Variants in DSE observed in about 807,000 individuals in gnomAD.
DSE encodes dermatan sulfate epimerase.
DSE carries 36 observed loss-of-function variants against 84.4 expected under a neutral mutation model. The ratio of observed to expected loss-of-function variants is 0.43; its 90% CI spans 0.33 to 0.56. DSE has a LOEUF of 0.56. Ranked by LOEUF, DSE falls within the 20% of genes least tolerant of loss-of-function variation. The pLI, the probability that DSE is intolerant of heterozygous loss-of-function variation, is 0.06. For missense variants in DSE, 862 were observed against 1,169.6 expected, an observed-to-expected ratio of 0.74 and a Z score of 3.84; for synonymous variants, 410 against 430.1, an observed-to-expected ratio of 0.95 and a Z score of 0.58.
At chr6:116,387,712 C>G (rs142562591) in intron 1 of DSE, among the ~76,000 whole-genome samples, 1 of 152,242 alleles carries the variant, frequency 6.6e-6, no homozygotes, top group African/African-American at 2.4e-5. Context: ...TCATCTATTT[C>G]CAACAAAATT....
chr6:116,339,508 G>T lies in DSE; in HGVS notation c.-53-59690G>T, dbSNP rs184667819. Among the ~76,000 whole-genome samples the T allele has an allele frequency of 2.4e-3, 363 of 152,240 alleles. 3 individuals carry two copies. Among genetic ancestry groups the T allele is most frequent in the Admixed American group, 7.2e-3 (110 of 15,284 alleles). ...TTTTGTTGTTGTTTTAATGTGAAAA[G>T]ATCAGAGCTGTGCTTTAGGAATATT... is the stretch of plus-strand genomic sequence containing the variant. On this transcript the variant is annotated intron_variant, in intron 2 of 3. Transcript: ENST00000430252.
At chr6:116,356,022 T>C (rs964918372) in intron 2 of DSE, among the ~76,000 whole-genome samples, 5 of 152,178 alleles carry the variant, frequency 3.3e-5, no homozygotes, top group Admixed American at 6.5e-5. Flanking sequence ...CACATGACTA[T>C]TGCTTCCCTT....
intron 2 of DSE, among the ~76,000 whole-genome samples, chr6:116,345,877 C>G (rs899825620): frequency 5.9e-5 from 9 of 151,642 alleles, no homozygotes; most frequent in African/African-American, 2.2e-4. Flanking sequence ...GCTAGCAAGA[C>G]TAATAAAGAA....
At chr6:116,376,594 G>T (rs1051578658) in intron 1 of DSE, among the ~76,000 whole-genome samples, 3 of 152,308 alleles carry the variant, frequency 2.0e-5, no homozygotes, top group South Asian at 2.1e-4. Flanking sequence ...ATTACCACTG[G>T]ATTTCCTTCT....
At chr6:116,386,931 G>A (rs1005789634) in intron 1 of DSE, among the ~76,000 whole-genome samples, 1 of 152,170 alleles carries the variant, frequency 6.6e-6, no homozygotes, top group Non-Finnish European at 1.5e-5. Flanking sequence ...CTATTAGAGA[G>A]TAAACTTATA....
At chr6:116,336,429 T>C (rs1777253672) in intron 2 of DSE, among the ~76,000 whole-genome samples, 1 of 152,222 alleles carries the variant, frequency 6.6e-6, no homozygotes, top group African/African-American at 2.4e-5. Flanking sequence ...ACCTGAGTGA[T>C]ACATGGTCTA....
intron 2 of DSE, among the ~76,000 whole-genome samples, chr6:116,334,258 C>G (rs1392353068): frequency 6.6e-5 from 10 of 152,114 alleles, no homozygotes; most frequent in African/African-American, 2.4e-4. Flanking sequence ...CATTTCAACC[C>G]TTTTAAAGAA....
At chr6:116,254,966 A>T (rs1772086132) in intron 1 of DSE, 1 of 152,278 alleles carries the variant, frequency 6.6e-6, no homozygotes, top group East Asian at 1.9e-4. Context: ...AGCTATGTGC[A>T]GGCATCTATG....
At position 116,268,814 on chromosome 6, in the gene DSE, CAA is replaced by C. The variant is rs566572110; in HGVS notation, c.-54+9848_-54+9849del. ...TTCTGTTTTGTCTGCCCTCAAAGTT[CAA>C]GTTTAAGCTGATATAGATCAGCTTG... On this transcript the variant is annotated intron_variant, in intron 2 of 3. Coordinates refer to the DSE transcript ENST00000430252. Among the ~76,000 whole-genome samples, 100 of 152,160 alleles carry C rather than the reference CAA, an allele frequency of 6.6e-4. No individual in the cohort carries two copies. In the South Asian group the frequency reaches 0.021, roughly 31 times the overall value.
chr6:116,353,070 C>T (rs1778397734), intron 2 of DSE, among the ~76,000 whole-genome samples: 1 of 152,174 alleles, frequency 6.6e-6, no homozygotes, highest in African/African-American at 2.4e-5. Flanking sequence ...TGGGCTTCCC[C>T]ACTACCTCAT....
At chr6:116,367,916 T>C (rs965017991), upstream of DSE, among the ~76,000 whole-genome samples, 3 of 152,190 alleles carry the variant, frequency 2.0e-5, no homozygotes, top group African/African-American at 7.2e-5. Context: ...TGCCTTAGTC[T>C]GAAACCGAGG....
chr6:116,279,500 C>A (rs756488140), intron 2 of DSE: 1 of 1,610,864 alleles, frequency 6.2e-7, no homozygotes, highest in East Asian at 2.2e-5. Context: ...ACCACAGAAG[C>A]GGCTGCCAGG....
rs529547526 is a variant in DSE, at chr6:116,269,051, C to A, written c.-54+10084C>A. Reference sequence around the variant, plus strand: ...AAAAGAAAAAAAAAAACCTCATATGCTCCTGCTTTCACCAGTCTTAAGAGA... The same window carrying A: ...AAAAGAAAAAAAAAAACCTCATATGATCCTGCTTTCACCAGTCTTAAGAGA... On this transcript the variant is annotated intron_variant, in intron 2 of 3. Transcript: ENST00000430252. Among the ~76,000 whole-genome samples, 4 of 151,740 alleles carry A rather than the reference C, an allele frequency of 2.6e-5. No individual in the cohort carries two copies. The East Asian group carries it at 5.8e-4, about 22-fold the overall frequency.
intron 2 of DSE, among the ~76,000 whole-genome samples, chr6:116,415,759 C>T (rs560664904): frequency 6.6e-6 from 1 of 152,168 alleles, no homozygotes; most frequent in Admixed American, 6.5e-5. Context: ...TTTCTTTCTG[C>T]CTGCATGGTT....
chr6:116,414,865 G>A (rs1456855636), intron 2 of DSE, among the ~76,000 whole-genome samples: 1 of 118,160 alleles, frequency 8.5e-6, no homozygotes, highest in East Asian at 2.1e-4. Context: ...GTTATCTCTA[G>A]TGACCAGCCA....
At chr6:116,283,787 G>A (rs1369250358) in intron 2 of DSE, among the ~76,000 whole-genome samples, 5 of 151,934 alleles carry the variant, frequency 3.3e-5, no homozygotes, top group Non-Finnish European at 7.4e-5. Context: ...CAGGTGATCC[G>A]CCCGCCTCAG....
chr6:116,309,280 T>G (rs1298421016), intron 2 of DSE, among the ~76,000 whole-genome samples: 1 of 151,768 alleles, frequency 6.6e-6, no homozygotes, highest in Non-Finnish European at 1.5e-5. Flanking sequence ...AGAAAATAAT[T>G]TTTTAAAACT....
rs550107987 is a variant in DSE, at chr6:116,431,448, C to T, written c.910+255C>T. Among the ~76,000 whole-genome samples the T allele has an allele frequency of 1.6e-4, 24 of 152,006 alleles. No individual in the cohort carries two copies. In the East Asian group the frequency reaches 4.4e-3, roughly 28 times the overall value. On this transcript the variant is annotated intron_variant, in intron 4 of 5. Transcript: ENST00000644252. ...ATGGATTAAATACAATTTCTAGGCC[C>T]CTCAATACTTTTTTTTTATATATCC... is the stretch of plus-strand genomic sequence containing the variant.
intron 2 of DSE, among the ~76,000 whole-genome samples, chr6:116,315,505 A>G (rs1315899735): frequency 1.3e-5 from 2 of 152,150 alleles, no homozygotes; most frequent in Non-Finnish European, 2.9e-5. Flanking sequence ...TGTTGAATGA[A>G]TGAAGTACAT....
Sources: allele counts gnomAD v4.1 joint callset (sites outside exome capture counted in the v4.1 genomes callset), GRCh38; gene constraint gnomAD v4.1.1; transcripts MANE v1.5; gene names NCBI Gene and HGNC (gene_info 2026-07-23, HGNC 2026-07-21).